Variants in NBPF19 observed in about 807,000 individuals in gnomAD.
The protein encoded by NBPF19 is NBPF family member NBPF19.
NBPF19 carries 30 observed loss-of-function variants against 45.9 expected under a neutral mutation model. The ratio of observed to expected loss-of-function variants is 0.65; its 90% CI spans 0.49 to 0.89. The LOEUF is 0.89. Ranked by LOEUF, NBPF19 falls within the 40% of genes least tolerant of loss-of-function variation. The pLI, the probability that NBPF19 is intolerant of heterozygous loss-of-function variation, is 0.00. For missense variants in NBPF19, 495 were observed against 471.8 expected, an observed-to-expected ratio of 1.05 and a Z score of -0.46; for synonymous variants, 183 against 181.2, an observed-to-expected ratio of 1.01 and a Z score of -0.08.
chr1:149,494,208 C>A (rs1487701248), intron 17 of NBPF19, 110 bp from the exon 18 acceptor site: 1 of 419,830 alleles, frequency 2.4e-6, no homozygotes, highest in Admixed American at 4.7e-5. Context: ...ATTAATGGAT[C>A]TGTCCTTTTT....
rs1268585896 is a variant in NBPF19 at position 149,554,841 on chromosome 1, G to T, written c.*103G>T. 2.9e-5 allele frequency: 46 copies of T among 1,576,786 alleles called. 2 individuals are homozygous for T. The African/African-American group carries it at 3.2e-4, about 11-fold the overall frequency. On this transcript the variant is annotated 3_prime_UTR_variant, in exon 94 of 94. Transcript: ENST00000651566. ...GTTCCATTTGGAAGCCCAGACATAG[G>T]ATGGGTCAGTGGGCATGGCTCTTTT...
chr1:149,486,637 TG>T (rs2085523249), intron 8 of NBPF19, among the ~76,000 whole-genome samples: 1 of 151,352 alleles, frequency 6.6e-6, no homozygotes, highest in Non-Finnish European at 1.5e-5. Context: ...AAATGTCTTT[TG>T]CCAGCTACAA....
chr1:149,480,939 C>T lies in NBPF19; in HGVS notation c.772+55C>T. 1.6e-6 allele frequency: 2 copies of T among 1,262,722 alleles called. 1 individual carries two copies. The highest frequency in any genetic ancestry group is 2.3e-6 in the Non-Finnish European group (2 of 868,736). The allele number at this position is 1,262,722 out of a possible 1,614,324, so 78.2% of individuals were successfully genotyped here. ...CTCTCTCTAGGCTGAGAAAGATAAA[C>T]TCTGAAGACAGGCTCTATAAACACA... On this transcript the variant is annotated intron_variant, in intron 6 of 93. Transcript: ENST00000651566.
intron 93 of NBPF19, 32 bp from the exon 94 acceptor site, chr1:149,554,463 G>A: frequency 6.2e-7 from 1 of 1,607,728 alleles, no homozygotes; most frequent in Non-Finnish European, 8.5e-7. Flanking sequence ...GATTTTCCCT[G>A]GCTGCTTCTT....
chr1:149,475,207 A>G lies in NBPF19; in HGVS notation c.-624A>G, dbSNP rs2084764322. Among the ~76,000 whole-genome samples, 1 of 150,260 alleles carries G rather than the reference A, an allele frequency of 6.7e-6. No homozygotes were observed. On this transcript the variant is annotated 5_prime_UTR_variant, in exon 1 of 94. Coordinates refer to ENST00000651566, the MANE Select transcript of NBPF19 (RefSeq NM_001351365.2). ...AATATTTTAAAAAAATGAATTATTC[A>G]TTCACTTTCTAGTGGATACAGAAAA... is the stretch of plus-strand genomic sequence containing the variant.
chr1:149,487,631 G>C (rs1443744128), intron 9 of NBPF19, among the ~76,000 whole-genome samples: 2 of 150,400 alleles, frequency 1.3e-5, no homozygotes, highest in African/African-American at 4.9e-5. Context: ...GGTAACTGCA[G>C]GGAAACTTGA....
chr1:149,479,617 A>C (rs1243572097), intron 4 of NBPF19, among the ~76,000 whole-genome samples: 1 of 148,096 alleles, frequency 6.8e-6, no homozygotes, highest in African/African-American at 2.5e-5. Context: ...TGGAGAAGGC[A>C]CTTGATGTGG....
chr1:149,494,119 C>CCTCT (rs1283127136), intron 17 of NBPF19, among the ~76,000 whole-genome samples, 199 bp from the exon 18 acceptor site: 1 of 134,380 alleles, frequency 7.4e-6, no homozygotes, highest in Non-Finnish European at 1.5e-5. Flanking sequence ...TCTCTCTCTC[C>CCTCT]CTCTCCCTGT....
chr1:149,487,223 G>A, intron 8 of NBPF19, 109 bp from the exon 9 acceptor site: 6 of 832,612 alleles, frequency 7.2e-6, no homozygotes, highest in South Asian at 5.3e-5. Context: ...AAAGTCTCCT[G>A]TTCTCACACT....
Position 149,553,829 on chromosome 1 carries a change from A to T in NBPF19, c.11235A>T (p.Glu3745Asp). The T allele has an allele frequency of 7.1e-6, 1 of 141,478 alleles. No homozygotes were observed. Among genetic ancestry groups the T allele is most frequent in the Admixed American group, 1.8e-4 (1 of 5,586 alleles). 8.8% of individuals were successfully genotyped at this position (141,478 alleles called of 1,614,324 possible). The change falls in exon 93 of 94, where the codon GAA (glutamate) becomes GAT (aspartate). Residue 3745 changes from glutamate to aspartate, a missense_variant. Transcript: ENST00000651566. ...GAAGGGGAAGAAGATCAAAGAAGGA[A>T]AGAAGAAGGGGAAGAAAAGAAGGGG... is the stretch of plus-strand genomic sequence containing the variant. ...KKRRGRRSKK[E>D]RRRGRKEGEE... is the part of the protein sequence containing the mutation.
intron 7 of NBPF19, among the ~76,000 whole-genome samples, chr1:149,483,092 GC>G (rs1340376135): frequency 2.0e-5 from 3 of 147,612 alleles, no homozygotes; most frequent in Non-Finnish European, 3.0e-5. Flanking sequence ...TCCTTGTTAA[GC>G]TTCTGTCTCA....
intron 9 of NBPF19, among the ~76,000 whole-genome samples, chr1:149,487,773 CTCTGTG>C (rs2085669698): frequency 7.7e-6 from 1 of 130,040 alleles, no homozygotes; most frequent in Non-Finnish European, 1.6e-5. Context: ...ACTGAGCTCG[CTCTGTG>C]TGTGTGTGTG....
chr1:149,554,303 T>C, intron 93 of NBPF19, among the ~76,000 whole-genome samples, 192 bp from the exon 94 acceptor site: 1 of 152,080 alleles, frequency 6.6e-6, no homozygotes, highest in East Asian at 1.9e-4. Flanking sequence ...CTCTCTGTCT[T>C]TCTCTTTCAT....
rs1272130661 is a variant in NBPF19, at chr1:149,554,382, G to A, written c.11289-113G>A. The A allele has an allele frequency of 1.6e-5, 25 of 1,595,822 alleles. No individual in the cohort carries two copies. The African/African-American group carries it at 2.9e-4, about 18-fold the overall frequency. ...AATTTTTTTTTTTACCTCATTAATG[G>A]ATCTATCCTTTTTCTTTTCTAACCA... is the stretch of plus-strand genomic sequence containing the variant. On this transcript the variant is annotated intron_variant, in intron 93 of 93. Transcript: ENST00000651566.
intron 19 of NBPF19, among the ~76,000 whole-genome samples, chr1:149,495,655 C>CTG (rs1286072376): frequency 9.1e-3 from 379 of 41,844 alleles, no homozygotes; most frequent in African/African-American, 0.015. Context: ...CTCTCTCTCT[C>CTG]TGTGTGTGTG....
At chr1:149,538,454 T>C (rs1264491904) in intron 73 of NBPF19, among the ~76,000 whole-genome samples, 20 of 33,786 alleles carry the variant, frequency 5.9e-4, no homozygotes, top group Non-Finnish European at 8.6e-4. Flanking sequence ...TGTGTGTGTG[T>C]GTGTGTGTGT....
Position 149,488,124 on chromosome 1 carries a change from C to A in NBPF19, c.1152C>A (p.Pro384=). The stretch of plus-strand genomic sequence containing the variant: ...TTGAACTGACTGACTCATGCCAGCC[C>A]TACAGAAGTGCCTTTTACGTATTGG... The part of the protein sequence containing the change: ...GCLELTDSCQ[P]YRSAFYVLEQ... The change falls in exon 10 of 94, where the codon CCC becomes CCA. Residue 384 remains proline (P), a synonymous_variant. Transcript: ENST00000651566. The A allele has an allele frequency of 3.0e-6, 2 of 671,546 alleles. No homozygotes were observed. The highest frequency in any genetic ancestry group is 4.4e-5 in the Admixed American group (2 of 45,104). 41.6% of individuals were successfully genotyped at this position (671,546 alleles called of 1,614,324 possible).
chr1:149,487,435 C>T, intron 9 of NBPF19, 52 bp downstream of exon 9: 2 of 961,786 alleles, frequency 2.1e-6, no homozygotes, highest in Non-Finnish European at 3.3e-6. Flanking sequence ...CCTGGAGATG[C>T]CAAGTCCAGG....
intron 3 of NBPF19, among the ~76,000 whole-genome samples, chr1:149,478,360 C>T (rs1214434009): frequency 1.3e-4 from 19 of 151,244 alleles, no homozygotes; most frequent in African/African-American, 2.2e-4. Flanking sequence ...GGTGTGCTAT[C>T]ACCACCCCAC....
Sources: allele counts gnomAD v4.1 joint callset (sites outside exome capture counted in the v4.1 genomes callset), GRCh38; gene constraint gnomAD v4.1.1; transcripts MANE v1.5; gene names NCBI Gene and HGNC (gene_info 2026-07-23, HGNC 2026-07-21).